Variants in TSPAN5 observed in about 807,000 individuals in gnomAD.
The protein encoded by TSPAN5 is tetraspanin 5.
A neutral mutation model predicts 37.1 loss-of-function variants in TSPAN5; 10 were observed. The ratio of observed to expected loss-of-function variants is 0.27; its 90% CI spans 0.17 to 0.46. The LOEUF (loss-of-function observed/expected upper bound fraction) is 0.46. Among genes scored for constraint, TSPAN5 ranks in the 20% least tolerant of loss-of-function variants. TSPAN5 has a pLI of 1.00. For synonymous variants in TSPAN5, 110 were observed against 118.9 expected (o/e 0.93, Z 0.48); for missense variants, 195 against 326.6 (o/e 0.60, Z 3.11).
intron 1 of TSPAN5, among the ~76,000 whole-genome samples, chr4:98,608,000 T>G (rs1756080167): frequency 6.6e-6 from 1 of 152,156 alleles, no homozygotes; most frequent in Non-Finnish European, 1.5e-5. Flanking sequence ...CATGAGCCAC[T>G]GCGCCGGGCC....
At chr4:98,621,136 G>C (rs1401007264) in intron 1 of TSPAN5, among the ~76,000 whole-genome samples, 1 of 152,110 alleles carries the variant, frequency 6.6e-6, no homozygotes, top group Non-Finnish European at 1.5e-5. Flanking sequence ...ACAGAGGTCA[G>C]GTGACAGGTT....
At chr4:98,654,376 T>C (rs2110295078) in intron 1 of TSPAN5, among the ~76,000 whole-genome samples, 1 of 152,314 alleles carries the variant, frequency 6.6e-6, no homozygotes, top group South Asian at 2.1e-4. Context: ...AAAGCCAGAA[T>C]CCAAAAGGGC....
chr4:98,486,342 G>A lies in TSPAN5; in HGVS notation c.279+396C>T, dbSNP rs72896392. 5.0e-3 allele frequency among the ~76,000 whole-genome samples: 757 copies of A among 152,324 alleles called. 9 individuals carry two copies. The highest frequency in any genetic ancestry group is 0.018 in the African/African-American group (732 of 41,562). On this transcript the variant is annotated intron_variant, in intron 3 of 7. Coordinates refer to ENST00000305798, the MANE Select transcript of TSPAN5 (RefSeq NM_005723.4). ...TTAATCTGGACAGGCCACAGTCACT[G>A]TGCTTTTGCCTGGTTTCTCCAAACC...
At chr4:98,568,192 T>C (rs948462084) in intron 1 of TSPAN5, among the ~76,000 whole-genome samples, 1 of 152,128 alleles carries the variant, frequency 6.6e-6, no homozygotes, top group Non-Finnish European at 1.5e-5. Flanking sequence ...ACAGACAGAA[T>C]GACTTATGCT....
chr4:98,605,919 C>T (rs1242650632), intron 1 of TSPAN5, among the ~76,000 whole-genome samples: 1 of 152,216 alleles, frequency 6.6e-6, no homozygotes, highest in East Asian at 1.9e-4. Flanking sequence ...CACAACCCTG[C>T]CTCTGGAATC....
intron 1 of TSPAN5, among the ~76,000 whole-genome samples, chr4:98,647,163 C>T (rs10001533): frequency 0.037 from 5,620 of 152,248 alleles, 326 homozygotes; most frequent in African/African-American, 0.13. Context: ...CTCTCTCACT[C>T]TGAACCAGAC....
At chr4:98,495,572 C>G (rs1434877728) in intron 2 of TSPAN5, among the ~76,000 whole-genome samples, 1 of 151,494 alleles carries the variant, frequency 6.6e-6, no homozygotes, top group African/African-American at 2.4e-5. Context: ...GCTAACCTTC[C>G]CTCTCCTCAT....
rs79574458 is a variant in TSPAN5 at position 98,645,125 on chromosome 4, A to G, written c.81+13021T>C. ...AATATAAAGTCACTGGTTTTCAACT[A>G]TCTTTTCATCCTCTGGTCTAGTTAA... is the stretch of plus-strand genomic sequence containing the variant. On this transcript the variant is annotated intron_variant, in intron 1 of 7. Coordinates refer to ENST00000305798, the MANE Select transcript of TSPAN5 (RefSeq NM_005723.4). Among the ~76,000 whole-genome samples, 3,023 of 152,284 alleles carry G rather than the reference A, an allele frequency of 0.02. 170 individuals carry two copies. The East Asian group carries it at 0.24, about 12-fold the overall frequency.
intron 2 of TSPAN5, among the ~76,000 whole-genome samples, chr4:98,497,816 T>A (rs944207651): frequency 6.6e-6 from 1 of 152,006 alleles, no homozygotes; most frequent in Non-Finnish European, 1.5e-5. Context: ...CAGTGGGTGT[T>A]ATGGGGGTGC....
intron 1 of TSPAN5, among the ~76,000 whole-genome samples, chr4:98,557,713 G>A (rs1754783825): frequency 6.6e-6 from 1 of 152,190 alleles, no homozygotes; most frequent in Non-Finnish European, 1.5e-5. Flanking sequence ...GCAGCGGATT[G>A]CATCGGCCAC....
chr4:98,604,912 C>T (rs929357398), intron 1 of TSPAN5, among the ~76,000 whole-genome samples: 1 of 152,202 alleles, frequency 6.6e-6, no homozygotes. Context: ...GCTGAGATTC[C>T]TCAACCCTTT....
intron 1 of TSPAN5, among the ~76,000 whole-genome samples, chr4:98,648,639 T>G (rs1427244215): frequency 6.6e-6 from 1 of 152,242 alleles, no homozygotes; most frequent in Non-Finnish European, 1.5e-5. Context: ...AATAAAAAAT[T>G]CCATGAGGGA....
chr4:98,480,959 A>T (rs1237997889), intron 4 of TSPAN5, among the ~76,000 whole-genome samples: 1 of 152,116 alleles, frequency 6.6e-6, no homozygotes, highest in African/African-American at 2.4e-5. Flanking sequence ...AAGAGTGTCA[A>T]CATGGCTGCT....
intron 1 of TSPAN5, among the ~76,000 whole-genome samples, chr4:98,509,622 G>A (rs1753560496): frequency 6.6e-6 from 1 of 152,146 alleles, no homozygotes; most frequent in South Asian, 2.1e-4. Context: ...CTTGGAAAGT[G>A]TTCAGAAAGA....
chr4:98,615,101 C>T (rs1486293573), intron 1 of TSPAN5, among the ~76,000 whole-genome samples: 3 of 152,168 alleles, frequency 2.0e-5, no homozygotes, highest in Non-Finnish European at 2.9e-5. Context: ...TCGGGAACCA[C>T]GTGACAGCCC....
intron 1 of TSPAN5, among the ~76,000 whole-genome samples, chr4:98,525,919 T>C (rs1328642786): frequency 2.6e-5 from 4 of 152,246 alleles, no homozygotes; most frequent in Non-Finnish European, 4.4e-5. Context: ...GATATAAGTA[T>C]TCCATTCTTG....
chr4:98,499,458 C>A (rs1053314999), intron 2 of TSPAN5, among the ~76,000 whole-genome samples: 1 of 152,308 alleles, frequency 6.6e-6, no homozygotes, highest in African/African-American at 2.4e-5. Flanking sequence ...TGAGAGTGAA[C>A]AACAAAGTCA....
intron 1 of TSPAN5, among the ~76,000 whole-genome samples, chr4:98,655,200 G>A (rs1757271095): frequency 6.6e-6 from 1 of 152,070 alleles, no homozygotes; most frequent in Non-Finnish European, 1.5e-5. Flanking sequence ...TTTATGAAAG[G>A]ATCTTTGAGG....
intron 5 of TSPAN5, 39 bp from the exon 6 acceptor site, chr4:98,476,499 T>C (rs1752699930): frequency 6.2e-7 from 1 of 1,607,652 alleles, no homozygotes; most frequent in South Asian, 1.1e-5. Flanking sequence ...AATTTACTCA[T>C]TAGACAGAAA....
Sources: allele counts gnomAD v4.1 joint callset (sites outside exome capture counted in the v4.1 genomes callset), GRCh38; gene constraint gnomAD v4.1.1; transcripts MANE v1.5; gene names NCBI Gene and HGNC (gene_info 2026-07-23, HGNC 2026-07-21).